ANKRD10: variants seen among roughly 807,000 people sequenced by gnomAD.
ANKRD10 encodes ankyrin repeat domain 10.
ANKRD10 carries 14 observed loss-of-function variants against 27.0 expected under a neutral mutation model. The ratio of observed to expected loss-of-function variants is 0.52; its 90% CI spans 0.34 to 0.81. The LOEUF (loss-of-function observed/expected upper bound fraction) is 0.81. ANKRD10 is among the 40% of genes least tolerant of loss of function. The pLI, the probability that ANKRD10 is intolerant of heterozygous loss-of-function variation, is 0.01. For synonymous variants in ANKRD10, 250 were observed against 224.5 expected (o/e 1.11, Z -1.01); for missense variants, 493 against 544.0 (o/e 0.91, Z 0.93).
intron 4 of ANKRD10, among the ~76,000 whole-genome samples, chr13:110,885,348 C>G (rs887964906): frequency 6.6e-6 from 1 of 151,894 alleles, no homozygotes; most frequent in African/African-American, 2.4e-5. Context: ...GTCAAGAGAT[C>G]GAGACCGTCC....
At chr13:110,913,859 A>T (rs1334336893) in intron 1 of ANKRD10, among the ~76,000 whole-genome samples, 1 of 152,228 alleles carries the variant, frequency 6.6e-6, no homozygotes, top group African/African-American at 2.4e-5. Context: ...AAGATTTCTG[A>T]GAGCAAGTAC....
At chr13:110,910,057 G>A (rs188975199) in intron 2 of ANKRD10, among the ~76,000 whole-genome samples, 2 of 152,166 alleles carry the variant, frequency 1.3e-5, no homozygotes, top group Admixed American at 1.3e-4. Context: ...ATGCGTGTGT[G>A]TTTGGTTTAG....
At chr13:110,912,892 C>T (rs1415005731) in intron 1 of ANKRD10, among the ~76,000 whole-genome samples, 1 of 152,154 alleles carries the variant, frequency 6.6e-6, no homozygotes, top group African/African-American at 2.4e-5. Context: ...TTCTAAGGCC[C>T]CTTCCGTATC....
intron 3 of ANKRD10, among the ~76,000 whole-genome samples, chr13:110,899,388 CT>C (rs1411445907): frequency 2.0e-5 from 3 of 152,194 alleles, no homozygotes; most frequent in African/African-American, 2.4e-5. Flanking sequence ...TGTGCCTGAC[CT>C]AAAACGTGTG....
chr13:110,890,782 T>C lies in ANKRD10; in HGVS notation c.691+2246A>G, dbSNP rs1199740757. 8.3e-5 allele frequency among the ~76,000 whole-genome samples: 12 copies of C among 145,098 alleles called. No individual in the cohort carries two copies. In the Admixed American group the frequency reaches 8.4e-4, roughly 10 times the overall value. Reference sequence around the variant, plus strand: ...ACCCTCGGGCTTGGGACCAGGAATGTATAGTTTGGGAAGGCTGCATGGTGA... The same window carrying C: ...ACCCTCGGGCTTGGGACCAGGAATGCATAGTTTGGGAAGGCTGCATGGTGA... On this transcript the variant is annotated intron_variant, in intron 4 of 5. Transcript: ENST00000267339.
chr13:110,881,480 T>G (rs548428066), intron 5 of ANKRD10, among the ~76,000 whole-genome samples: 1 of 152,218 alleles, frequency 6.6e-6, no homozygotes, highest in South Asian at 2.1e-4. Context: ...TTTTTATATT[T>G]AAGCAACATA....
At chr13:110,914,323 G>A (rs1346276228) in intron 1 of ANKRD10, among the ~76,000 whole-genome samples, 1 of 152,134 alleles carries the variant, frequency 6.6e-6, no homozygotes, top group African/African-American at 2.4e-5. Flanking sequence ...CCTAATACCC[G>A]GCTCTGCGAA....
intron 4 of ANKRD10, among the ~76,000 whole-genome samples, chr13:110,886,743 TAC>T (rs2064941351): frequency 6.6e-6 from 1 of 152,206 alleles, no homozygotes; most frequent in South Asian, 2.1e-4. Context: ...GGGTGGCCTG[TAC>T]AGACATTTCA....
At chr13:110,884,271 C>G (rs1205783380) in intron 4 of ANKRD10, among the ~76,000 whole-genome samples, 14 of 152,092 alleles carry the variant, frequency 9.2e-5, no homozygotes, top group Non-Finnish European at 4.4e-5. Context: ...AGCACTGTCC[C>G]AGAGTGGCAT....
In ANKRD10 at chr13:110,879,136, G is replaced by A. The variant is rs3180286; in HGVS notation, c.*501C>T. 102,620 of 160,984 alleles carry A rather than the reference G, an allele frequency of 0.64. 33,365 individuals carry two copies. Among genetic ancestry groups the A allele is most frequent in the East Asian group, 0.82 (4,745 of 5,806 alleles). 10.0% of individuals were successfully genotyped at this position (160,984 alleles called of 1,614,324 possible). On this transcript the variant is annotated 3_prime_UTR_variant, in exon 6 of 6. Transcript: ENST00000267339. ...CAAAGCTTCATTGAAAAAGACAAAC[G>A]TTCTCTTCTTCACACAAATCACTGC...
chr13:110,887,462 G>C (rs2064962093), intron 4 of ANKRD10, among the ~76,000 whole-genome samples: 1 of 152,180 alleles, frequency 6.6e-6, no homozygotes, highest in Non-Finnish European at 1.5e-5. Context: ...AAACAGGACT[G>C]TAATTGCCAG....
intron 4 of ANKRD10, among the ~76,000 whole-genome samples, chr13:110,887,388 T>G (rs903569895): frequency 1.3e-4 from 20 of 152,092 alleles, no homozygotes; most frequent in African/African-American, 4.6e-4. Context: ...TACAGAGGCT[T>G]ATGGGAGTGC....
intron 4 of ANKRD10, among the ~76,000 whole-genome samples, chr13:110,891,427 G>T (rs1373823383): frequency 6.6e-6 from 1 of 152,116 alleles, no homozygotes; most frequent in Non-Finnish European, 1.5e-5. Context: ...TATGATTTTA[G>T]CATCTTTCCA....
chr13:110,906,473 C>CCACA (rs148260904), intron 2 of ANKRD10, among the ~76,000 whole-genome samples: 3 of 151,976 alleles, frequency 2.0e-5, no homozygotes, highest in African/African-American at 7.2e-5. Flanking sequence ...AACCAACCAA[C>CCACA]CACACACACA....
chr13:110,886,103 C>T (rs751812148), intron 4 of ANKRD10, among the ~76,000 whole-genome samples: 1 of 152,246 alleles, frequency 6.6e-6, no homozygotes, highest in Non-Finnish European at 1.5e-5. Context: ...ACCATCCAGG[C>T]AGGCCTGGCC....
In ANKRD10 at chr13:110,879,730, C is replaced by G. The variant is rs1258601694; in HGVS notation, c.1170G>C (p.Leu390=). ...ACTTGGAATGCTCGACCACACTGTT[C>G]AGTTCTGGGATGCTTTCAGCAGTGT... The part of the protein sequence containing the change: ...FGDTAESIPE[L]NSVVEHSKSV... Residue 390 remains leucine, a synonymous_variant, in exon 6 of 6, where the codon CTG becomes CTC. Transcript: ENST00000267339. 6.2e-7 allele frequency: 1 copy of G among 1,614,224 alleles called. No homozygotes were observed. Among genetic ancestry groups the G allele is most frequent in the South Asian group, 1.1e-5 (1 of 91,078 alleles).
At chr13:110,892,035 T>C (rs760932447) in intron 4 of ANKRD10, among the ~76,000 whole-genome samples, 2 of 151,264 alleles carry the variant, frequency 1.3e-5, no homozygotes, top group Non-Finnish European at 2.9e-5. Context: ...TATATAGATA[T>C]AGATGATTTT....
At chr13:110,905,972 C>T in intron 3 of ANKRD10, 61 bp downstream of exon 3, 1 of 1,465,968 alleles carries the variant, frequency 6.8e-7, no homozygotes, top group Non-Finnish European at 9.3e-7. Flanking sequence ...TATGTACTGC[C>T]TTTAAACAAA....
intron 3 of ANKRD10, among the ~76,000 whole-genome samples, chr13:110,905,612 G>C (rs1253167544): frequency 6.6e-6 from 1 of 152,214 alleles, no homozygotes; most frequent in Non-Finnish European, 1.5e-5. Context: ...ATTTTCTTCA[G>C]AAACCTTCTG....
Sources: allele counts gnomAD v4.1 joint callset (sites outside exome capture counted in the v4.1 genomes callset), GRCh38; gene constraint gnomAD v4.1.1; transcripts MANE v1.5; gene names NCBI Gene and HGNC (gene_info 2026-07-23, HGNC 2026-07-21).